RB1: variants seen among roughly 807,000 people sequenced by gnomAD.
RB1 encodes the protein retinoblastoma-associated protein.
A neutral mutation model predicts 135.4 loss-of-function variants in RB1; 18 were observed. The observed-to-expected ratio is 0.13, with a 90% CI of 0.09 to 0.20. The LOEUF is 0.20. Ranked by LOEUF, RB1 falls within the 10% of genes least tolerant of loss-of-function variation. The pLI is 1.00. For synonymous variants in RB1, 365 were observed against 373.2 expected, an observed-to-expected ratio of 0.98 and a Z score of 0.25; for missense variants, 868 against 1,110.0, an observed-to-expected ratio of 0.78 and a Z score of 3.10.
At position 48,319,678 on chromosome 13, in the gene RB1, C is replaced by G. The variant is rs1377752149; in HGVS notation, c.264+12272C>G. On this transcript the variant is annotated intron_variant, in intron 2 of 26. Transcript: ENST00000267163. This position sits in a 1 kb window ranked among gnomAD's most constrained non-coding sequence, Gnocchi z 5.0. ...CCCTGCCGATGCGCCACCTTTGCGG[C>G]TAGCTCTTCGTGGGATTTCAAGAGT... 1.6e-5 allele frequency: 4 copies of G among 254,600 alleles called. No individual in the cohort carries two copies. The highest frequency in any genetic ancestry group is 2.4e-5 in the Non-Finnish European group (3 of 122,952). The allele number at this position is 254,600 out of a possible 1,614,324, so 15.8% of individuals were successfully genotyped here.
chr13:48,435,687 TAA>T (rs1949176335), intron 17 of RB1, among the ~76,000 whole-genome samples: 1 of 152,198 alleles, frequency 6.6e-6, no homozygotes, highest in Non-Finnish European at 1.5e-5. Flanking sequence ...TTTCACATTT[TAA>T]GTCCATGATC....
chr13:48,389,770 C>G (rs1269060167), intron 17 of RB1: 1 of 152,240 alleles, frequency 6.6e-6, no homozygotes, highest in African/African-American at 2.4e-5. Flanking sequence ...CTCCCATCCT[C>G]CCTCCCTAGA....
intron 6 of RB1, among the ~76,000 whole-genome samples, chr13:48,354,401 C>G (rs938279734): frequency 1.3e-5 from 2 of 151,866 alleles, no homozygotes; most frequent in African/African-American, 4.8e-5. Flanking sequence ...ATGATGAAAA[C>G]CATAGAATAC....
intron 6 of RB1, among the ~76,000 whole-genome samples, chr13:48,351,543 A>G (rs1952547786): frequency 6.6e-6 from 1 of 151,318 alleles, no homozygotes; most frequent in African/African-American, 2.4e-5. Context: ...TTGTTCATTT[A>G]CTCTGTTGAT....
chr13:48,401,124 C>A (rs904130925), intron 17 of RB1, among the ~76,000 whole-genome samples: 4 of 152,052 alleles, frequency 2.6e-5, no homozygotes, highest in Non-Finnish European at 4.4e-5. Context: ...GTTCACTATT[C>A]AAGTACAAAC....
At chr13:48,326,474 A>G (rs1952288141) in intron 2 of RB1, among the ~76,000 whole-genome samples, 1 of 152,146 alleles carries the variant, frequency 6.6e-6, no homozygotes, top group African/African-American at 2.4e-5. Context: ...CATTTGGGTC[A>G]AGAAAAGAAT....
At chr13:48,367,462 AG>A in intron 9 of RB1, 31 bp from the exon 10 acceptor site, 2 of 1,590,304 alleles carry the variant, frequency 1.3e-6, no homozygotes, top group Non-Finnish European at 1.7e-6. Flanking sequence ...TGACATGTAA[AG>A]GATAATTGTC....
chr13:48,375,555 A>G (rs1213539228), intron 12 of RB1, among the ~76,000 whole-genome samples: 1 of 150,388 alleles, frequency 6.6e-6, no homozygotes, highest in Non-Finnish European at 1.5e-5. Context: ...ATTACAATGA[A>G]AATTATAATC....
rs753307498 is a variant in RB1 at position 48,307,357 on chromosome 13, A to G, written c.215A>G (p.Glu72Gly). 2.5e-6 allele frequency: 4 copies of G among 1,612,822 alleles called. No homozygotes were observed. In the Admixed American group the frequency reaches 5.0e-5, roughly 20 times the overall value. ...QKLKIPDHVRERAWLTWEKVS... is the reference protein window; with the variant it reads ...QKLKIPDHVRGRAWLTWEKVS... ...TTAAAGATACCAGATCATGTCAGAGAGAGAGCTTGGTTAACTTGGGAGAAA... is the reference window on the plus strand; with the variant it reads ...TTAAAGATACCAGATCATGTCAGAGGGAGAGCTTGGTTAACTTGGGAGAAA... The change falls in exon 2 of 27, where the codon GAG (glutamate) becomes GGG (glycine). Residue 72 changes from glutamate (E) to glycine (G), a missense_variant. Glu to Gly is a moderately conservative substitution (Grantham distance 98). Coordinates refer to ENST00000267163, the MANE Select transcript of RB1 (RefSeq NM_000321.3).
intron 17 of RB1, among the ~76,000 whole-genome samples, chr13:48,420,752 CAGAG>C (rs1402099001): frequency 1.3e-4 from 20 of 152,100 alleles, no homozygotes; most frequent in Non-Finnish European, 2.9e-4. Context: ...AATAGACAAA[CAGAG>C]AGCCAAATCA....
rs771961195 is a variant in RB1, at chr13:48,342,679, C to T, written c.345C>T (p.Phe115=). 6.8e-6 allele frequency: 11 copies of T among 1,611,016 alleles called. No individual in the cohort carries two copies. The highest frequency in any genetic ancestry group is 8.5e-6 in the Non-Finnish European group (10 of 1,177,456). ...IAAVDLDEMS[F]TFTELQKNIE... is the part of the protein sequence containing the mutation. ...CAGTTGACCTAGATGAGATGTCGTT[C>T]ACTTTTACTGAGCTACAGAAAAACA... Residue 115 remains phenylalanine (F), a synonymous_variant, in exon 3 of 27, where the codon TTC becomes TTT. Transcript: ENST00000267163.
rs543436895 is a variant in RB1 at position 48,336,708 on chromosome 13, T to C, written c.265-5891T>C. Among the ~76,000 whole-genome samples the C allele has an allele frequency of 6.0e-3, 819 of 137,470 alleles. 4 individuals carry two copies. Among genetic ancestry groups the C allele is most frequent in the Middle Eastern group, 0.011 (3 of 284 alleles). 90.2% of individuals were successfully genotyped at this position (137,470 alleles called of 152,430 possible). Reference sequence around the variant, plus strand: ...CCTTCAGTTCTGCTCTGATCTTAGTTATTTCTTGCCTTCTGCTAGCTTTTG... The same window carrying C: ...CCTTCAGTTCTGCTCTGATCTTAGTCATTTCTTGCCTTCTGCTAGCTTTTG... On this transcript the variant is annotated intron_variant, in intron 2 of 26. Coordinates refer to ENST00000267163, the MANE Select transcript of RB1 (RefSeq NM_000321.3).
chr13:48,392,518 G>A (rs1948618839), intron 17 of RB1, among the ~76,000 whole-genome samples: 1 of 151,690 alleles, frequency 6.6e-6, no homozygotes, highest in African/African-American at 2.4e-5. Context: ...TTTCTTCTGA[G>A]GTATCTAATC....
chr13:48,425,810 A>C (rs967150456), intron 17 of RB1, among the ~76,000 whole-genome samples: 1 of 152,214 alleles, frequency 6.6e-6, no homozygotes, highest in Admixed American at 6.5e-5. Context: ...TTTCTATCTA[A>C]TTCAGTCTCC....
chr13:48,420,908 A>T (rs898693826), intron 17 of RB1, among the ~76,000 whole-genome samples: 2 of 152,228 alleles, frequency 1.3e-5, no homozygotes, highest in Non-Finnish European at 2.9e-5. Flanking sequence ...ATGGAAGAAC[A>T]TTCCATGTTC....
At chr13:48,344,967 T>G in intron 3 of RB1, 113 bp from the exon 4 acceptor site, 2 of 1,283,286 alleles carry the variant, frequency 1.6e-6, no homozygotes, top group Non-Finnish European at 2.2e-6. Flanking sequence ...GATATAGTAG[T>G]GATTTGATGT....
At chr13:48,342,489 A>T (rs1952454568) in intron 2 of RB1, 110 bp from the exon 3 acceptor site, 1 of 727,986 alleles carries the variant, frequency 1.4e-6, no homozygotes, top group African/African-American at 1.8e-5. Flanking sequence ...TATTACAAAC[A>T]TTTATTTTGT....
chr13:48,419,700 G>A (rs1343749657), intron 17 of RB1, among the ~76,000 whole-genome samples: 1 of 152,174 alleles, frequency 6.6e-6, no homozygotes, highest in African/African-American at 2.4e-5. Flanking sequence ...AAATGCTAAA[G>A]GGGATATCAC....
At chr13:48,397,152 C>T (rs1050846438) in intron 17 of RB1, among the ~76,000 whole-genome samples, 6 of 152,120 alleles carry the variant, frequency 3.9e-5, no homozygotes, top group African/African-American at 1.2e-4. Context: ...TGAGCATATA[C>T]CCAAAGGATT....
Sources: gnomAD v4.1 joint callset for allele counts (sites outside exome capture counted in the v4.1 genomes callset) on GRCh38, gnomAD v4.1.1 for gene constraint, Gnocchi (gnomAD v3.1) non-coding constraint, MANE v1.5 for transcripts, NCBI Gene and HGNC (gene_info 2026-07-23, HGNC 2026-07-21) for gene names.